Variants in CCDC57 observed in about 807,000 individuals in gnomAD.
CCDC57 encodes the protein coiled-coil domain-containing protein 57.
In CCDC57, 118 loss-of-function variants were observed where a neutral mutation model predicts 118.9. The ratio of observed to expected loss-of-function variants is 0.99; its 90% CI spans 0.86 to 1.16. The LOEUF (loss-of-function observed/expected upper bound fraction) is 1.16, where lower values mean the gene tolerates loss of function less well. Ranked by LOEUF, CCDC57 falls within the 50% of genes most tolerant of loss-of-function variation. CCDC57 has a pLI of 0.00. For synonymous variants in CCDC57, 527 were observed against 532.9 expected (o/e 0.99, Z 0.15); for missense variants, 1,300 against 1,320.7 (o/e 0.98, Z 0.24).
At chr17:82,186,798 T>C (rs2046978354) in intron 8 of CCDC57, among the ~76,000 whole-genome samples, 1 of 151,994 alleles carries the variant, frequency 6.6e-6, no homozygotes, top group Non-Finnish European at 1.5e-5. Flanking sequence ...AAAAATTAGC[T>C]GAGCATGGTG....
At chr17:82,179,632 C>T (rs376979101) in intron 9 of CCDC57, among the ~76,000 whole-genome samples, 1 of 149,426 alleles carries the variant, frequency 6.7e-6, no homozygotes, top group East Asian at 2.1e-4. Context: ...ACGGGGCGGG[C>T]GGGGATGGGA....
intron 1 of CCDC57, among the ~76,000 whole-genome samples, chr17:82,208,383 A>G (rs1451425888): frequency 6.6e-6 from 1 of 151,956 alleles, no homozygotes; most frequent in Non-Finnish European, 1.5e-5. Flanking sequence ...CAGCCTCCCA[A>G]GTAGCTGGGA....
chr17:82,157,447 G>T, intron 15 of CCDC57: 1 of 1,374,752 alleles, frequency 7.3e-7, no homozygotes, highest in Non-Finnish European at 9.4e-7. Flanking sequence ...CCTTCAGTGT[G>T]TGCGTTTCCA....
At chr17:82,169,358 A>G (rs1341109151) in intron 13 of CCDC57, among the ~76,000 whole-genome samples, 1 of 152,032 alleles carries the variant, frequency 6.6e-6, no homozygotes, top group East Asian at 1.9e-4. Flanking sequence ...CAAACTCCCG[A>G]CCTCAGGTGA....
At chr17:82,193,576 C>A (rs1398760520) in intron 7 of CCDC57, among the ~76,000 whole-genome samples, 180 bp downstream of exon 6, 1 of 151,520 alleles carries the variant, frequency 6.6e-6, no homozygotes, top group Non-Finnish European at 1.5e-5. Flanking sequence ...AGCAAGAAAG[C>A]AAGCAAGCAA....
At chr17:82,135,888 A>C (rs2039087140) in intron 16 of CCDC57, among the ~76,000 whole-genome samples, 2 of 152,148 alleles carry the variant, frequency 1.3e-5, no homozygotes, top group African/African-American at 4.8e-5. Context: ...GTGAGATCCC[A>C]CCTCTATTTT....
At chr17:82,142,776 G>T (rs2040191284) in intron 16 of CCDC57, among the ~76,000 whole-genome samples, 1 of 152,128 alleles carries the variant, frequency 6.6e-6, no homozygotes, top group East Asian at 1.9e-4. Flanking sequence ...TTGTTAAATA[G>T]AATAAAATAA....
chr17:82,201,506 T>C, intron 3 of CCDC57, 32 bp downstream of exon 2: 1 of 1,540,730 alleles, frequency 6.5e-7, no homozygotes, highest in Non-Finnish European at 8.7e-7. Flanking sequence ...TGCCAGGCAC[T>C]GCACAGGAGG....
At chr17:82,177,848 A>G (rs1049332609) in intron 11 of CCDC57, among the ~76,000 whole-genome samples, 1 of 152,168 alleles carries the variant, frequency 6.6e-6, no homozygotes, top group African/African-American at 2.4e-5. Flanking sequence ...TGTGTGTACA[A>G]TAGCCCACAG....
At chr17:82,190,810 T>C (rs879773715) in intron 7 of CCDC57, among the ~76,000 whole-genome samples, 2 of 150,208 alleles carry the variant, frequency 1.3e-5, no homozygotes, top group African/African-American at 2.5e-5. Context: ...CCAGACATAA[T>C]GCCTCTAATT....
At chr17:82,164,858 A>G (rs578040782) in intron 13 of CCDC57, among the ~76,000 whole-genome samples, 9 of 152,246 alleles carry the variant, frequency 5.9e-5, no homozygotes, top group Non-Finnish European at 1.2e-4. Flanking sequence ...AAAAATTAAT[A>G]TAAGTCTGAT....
intron 19 of CCDC57, among the ~76,000 whole-genome samples, chr17:82,121,469 G>A (rs554196810): frequency 6.6e-6 from 1 of 152,342 alleles, no homozygotes; most frequent in African/African-American, 2.4e-5. Context: ...GGGTCATAGG[G>A]AGGCAACATG....
chr17:82,163,540 T>A, intron 13 of CCDC57, 183 bp from the exon 13 acceptor site: 1 of 658,284 alleles, frequency 1.5e-6, no homozygotes, highest in South Asian at 2.0e-5. Context: ...TTAGAGATGC[T>A]GTACAGAAAG....
chr17:82,104,126 A>C (rs1294617218), intron 19 of CCDC57, among the ~76,000 whole-genome samples: 2 of 152,226 alleles, frequency 1.3e-5, no homozygotes, highest in Non-Finnish European at 2.9e-5. Flanking sequence ...ATCTGAGGTC[A>C]ACCCAGTAAC....
Position 82,157,954 on chromosome 17 carries a change from G to T in CCDC57, c.2041-6C>A. ...TCCAGGGGTTCCCGCAGCACCTAGG[G>T]GTCATTTCAAAGGCAGTGTGAGGAA... On this transcript the variant is annotated splice_region_variant and splice_polypyrimidine_tract_variant and intron_variant, in intron 14 of 19. Transcript: ENST00000665763. The T allele has an allele frequency of 3.2e-6, 5 of 1,551,234 alleles. No homozygotes were observed. The highest frequency in any genetic ancestry group is 3.5e-6 in the Non-Finnish European group (4 of 1,147,840).
chr17:82,113,385 C>T (rs1401394393), intron 19 of CCDC57: 2 of 717,406 alleles, frequency 2.8e-6, no homozygotes, highest in Non-Finnish European at 5.2e-6. Context: ...TCAGTCACAG[C>T]TTGTCCTGAG....
chr17:82,117,988 C>T (rs770451209), intron 19 of CCDC57, among the ~76,000 whole-genome samples: 2 of 152,084 alleles, frequency 1.3e-5, no homozygotes, highest in African/African-American at 4.8e-5. Context: ...AACGACAGGC[C>T]GTCCAAGTGT....
chr17:82,115,468 G>A (rs902750349), intron 19 of CCDC57, among the ~76,000 whole-genome samples: 2 of 152,028 alleles, frequency 1.3e-5, no homozygotes, highest in Non-Finnish European at 2.9e-5. Context: ...AGAATTATGC[G>A]ACCTTAGGAT....
Position 82,157,740 on chromosome 17 carries a change from G to A in CCDC57, c.2241+8C>T, listed in dbSNP as rs762393806. ...GGCGGGTGGCAGGAGGAGCTAGCGGGCACCCACCTCTCTCCCAAGGGCCAC... is the reference window on the plus strand; with the variant it reads ...GGCGGGTGGCAGGAGGAGCTAGCGGACACCCACCTCTCTCCCAAGGGCCAC... On this transcript the variant is annotated splice_region_variant and intron_variant, in intron 15 of 19. Coordinates refer to ENST00000665763, the Ensembl canonical transcript of CCDC57. 2 of 1,579,808 alleles carry A rather than the reference G, an allele frequency of 1.3e-6. No individual in the cohort carries two copies. Among genetic ancestry groups the A allele is most frequent in the African/African-American group, 1.3e-5 (1 of 74,296 alleles).
Sources: gnomAD v4.1 joint callset for allele counts (sites outside exome capture counted in the v4.1 genomes callset) on GRCh38, gnomAD v4.1.1 for gene constraint, MANE v1.5 for transcripts, NCBI Gene and HGNC (gene_info 2026-07-23, HGNC 2026-07-21) for gene names.